PARP8: variants seen among roughly 807,000 people sequenced by gnomAD.
PARP8 encodes the protein poly(ADP-ribose) polymerase family member 8.
PARP8 carries 51 observed loss-of-function variants against 124.1 expected under a neutral mutation model. The observed-to-expected ratio is 0.41, with a 90% CI of 0.33 to 0.52. The LOEUF (loss-of-function observed/expected upper bound fraction) is 0.52. Among genes scored for constraint, PARP8 ranks in the 20% least tolerant of loss-of-function variants. The pLI, the probability that PARP8 is intolerant of heterozygous loss-of-function variation, is 0.21. For missense variants in PARP8, 860 were observed against 1,018.9 expected, an observed-to-expected ratio of 0.84 and a Z score of 2.12; for synonymous variants, 391 against 361.5, an observed-to-expected ratio of 1.08 and a Z score of -0.93.
At chr5:50,812,955 C>T (rs868794732) in intron 14 of PARP8, among the ~76,000 whole-genome samples, 1 of 151,968 alleles carries the variant, frequency 6.6e-6, no homozygotes. Flanking sequence ...TGGTCTATAT[C>T]TCTGTTTTGG....
At chr5:50,827,497 T>C (rs774930706) in intron 19 of PARP8, among the ~76,000 whole-genome samples, 1 of 152,188 alleles carries the variant, frequency 6.6e-6, no homozygotes, top group Non-Finnish European at 1.5e-5. Context: ...TATATGCAAA[T>C]AAAGCATAAT....
intron 9 of PARP8, among the ~76,000 whole-genome samples, chr5:50,781,107 C>CT (rs1205422699): frequency 6.6e-6 from 1 of 152,112 alleles, no homozygotes; most frequent in African/African-American, 2.4e-5. Context: ...TTTCATTTCT[C>CT]TAATTCTTTC....
chr5:50,694,297 T>A (rs929698457), intron 2 of PARP8, among the ~76,000 whole-genome samples: 2 of 152,206 alleles, frequency 1.3e-5, no homozygotes, highest in African/African-American at 4.8e-5. Context: ...ATATTAGAAT[T>A]CTTTTTAATT....
intron 14 of PARP8, among the ~76,000 whole-genome samples, chr5:50,813,539 CAG>C (rs981580275): frequency 3.3e-5 from 5 of 152,174 alleles, no homozygotes; most frequent in Admixed American, 6.5e-5. Flanking sequence ...CATCTGCAAA[CAG>C]GGACAATTTG....
chr5:50,828,317 C>G lies in PARP8; in HGVS notation c.2096C>G (p.Ser699Ter). The G allele has an allele frequency of 6.2e-7, 1 of 1,613,378 alleles. No individual in the cohort carries two copies. The stretch of plus-strand genomic sequence containing the variant: ...CTTTCCGTCTGTTTTTTTAGTGGCT[C>G]ACACATTGAAAACTGGCACTCCATC... ...LFGSTFAFHGSHIENWHSILR... is the reference protein window; with the variant it reads ...LFGSTFAFHG Residue 699 changes from serine (S) to a stop codon, truncating the protein, a stop_gained, in exon 21 of 26, where the codon TCA (serine) becomes TGA (stop). Transcript: ENST00000281631. LOFTEE classifies it high-confidence loss of function.
intron 4 of PARP8, among the ~76,000 whole-genome samples, chr5:50,760,075 G>GTGGTT (rs1760392923): frequency 6.6e-6 from 1 of 152,146 alleles, no homozygotes; most frequent in African/African-American, 2.4e-5. Context: ...TTGTAAAGTG[G>GTGGTT]TGGTTTAGTT....
At chr5:50,787,903 A>G (rs189665949) in intron 9 of PARP8, among the ~76,000 whole-genome samples, 1 of 150,148 alleles carries the variant, frequency 6.7e-6, no homozygotes, top group Non-Finnish European at 1.5e-5. Context: ...ATGTTAGTAT[A>G]TATGTATATA....
At chr5:50,803,925 T>C (rs1659993194) in intron 14 of PARP8, among the ~76,000 whole-genome samples, 1 of 152,146 alleles carries the variant, frequency 6.6e-6, no homozygotes, top group African/African-American at 2.4e-5. Flanking sequence ...AACTCTGGGA[T>C]TTAGATCTCG....
chr5:50,719,914 A>C (rs2149500730), intron 2 of PARP8, among the ~76,000 whole-genome samples: 1 of 152,230 alleles, frequency 6.6e-6, no homozygotes, highest in East Asian at 1.9e-4. Context: ...GATCAGTTTT[A>C]TGCTGTTAAT....
chr5:50,770,624 G>A (rs939833658), intron 7 of PARP8, among the ~76,000 whole-genome samples: 3 of 150,492 alleles, frequency 2.0e-5, no homozygotes, highest in African/African-American at 7.3e-5. Flanking sequence ...AAGGAAGGAA[G>A]GAGGGAGGGA....
chr5:50,815,823 T>G (rs112961100), intron 15 of PARP8, among the ~76,000 whole-genome samples: 2,376 of 152,304 alleles, frequency 0.016, 65 homozygotes, highest in African/African-American at 0.055. Flanking sequence ...GTGCATGCTT[T>G]ATGTAAAATT....
intron 10 of PARP8, among the ~76,000 whole-genome samples, chr5:50,792,356 T>C: frequency 6.6e-6 from 1 of 152,186 alleles, no homozygotes; most frequent in East Asian, 1.9e-4. Context: ...CAATTTCTTT[T>C]GCATCCAAGG....
chr5:50,819,431 T>TG (rs1745498549), intron 15 of PARP8, among the ~76,000 whole-genome samples: 10 of 118,674 alleles, frequency 8.4e-5, no homozygotes, highest in African/African-American at 3.3e-4. Context: ...TATCTTCTTT[T>TG]TTTTTTTTTT....
At chr5:50,677,448 A>G (rs1750763905) in intron 2 of PARP8, among the ~76,000 whole-genome samples, 1 of 152,176 alleles carries the variant, frequency 6.6e-6, no homozygotes, top group Non-Finnish European at 1.5e-5. Flanking sequence ...AAGTTTGAAT[A>G]ATTCACTGTG....
intron 14 of PARP8, among the ~76,000 whole-genome samples, chr5:50,813,860 C>T (rs1244228213): frequency 2.0e-5 from 3 of 151,916 alleles, no homozygotes; most frequent in Non-Finnish European, 4.4e-5. Context: ...CACAAATATA[C>T]GTATTTAGAT....
Position 50,763,193 on chromosome 5 carries a change from G to A in PARP8, c.469G>A (p.Asp157Asn). 1 of 1,613,794 alleles carries A rather than the reference G, an allele frequency of 6.2e-7. No individual in the cohort carries two copies. ...ELHKHPQLEA[D>N]LSAVREIYGP... ...GCACAAGCACCCACAACTGGAAGCT[G>A]ATTTGTCAGCAGTTAGAGAGATATA... Residue 157 changes from aspartate (D) to asparagine (N), a missense_variant, in exon 7 of 26, where the codon GAT (aspartate) becomes AAT (asparagine). Physicochemically the swap from Asp to Asn is conservative, Grantham distance 23. Coordinates refer to ENST00000281631, the MANE Select transcript of PARP8 (RefSeq NM_024615.4).
In PARP8 at chr5:50,760,278, C is replaced by T; in HGVS notation, c.275-14C>T. ...AAGTATCATAATATTTTTTAAATTA[C>T]AACTTTCTTTCAGAATTAAGAAAAA... On this transcript the variant is annotated splice_polypyrimidine_tract_variant and intron_variant, in intron 4 of 25. Coordinates refer to ENST00000281631, the MANE Select transcript of PARP8 (RefSeq NM_024615.4). 6.7e-7 allele frequency: 1 copy of T among 1,486,304 alleles called. No individual in the cohort carries two copies. The highest frequency in any genetic ancestry group is 1.4e-5 in the African/African-American group (1 of 69,720). The allele number at this position is 1,486,304 out of a possible 1,614,324, so 92.1% of individuals were successfully genotyped here.
At chr5:50,710,786 G>T (rs767233470) in intron 2 of PARP8, among the ~76,000 whole-genome samples, 1 of 152,040 alleles carries the variant, frequency 6.6e-6, no homozygotes, top group Non-Finnish European at 1.5e-5. Flanking sequence ...TTTTGAAAAA[G>T]AACACAATTT....
intron 3 of PARP8, among the ~76,000 whole-genome samples, chr5:50,759,405 T>C (rs929973478): frequency 7.2e-5 from 11 of 152,202 alleles, no homozygotes; most frequent in Non-Finnish European, 1.5e-4. Context: ...GGATAGTCTC[T>C]ATTCAAAATC....
Sources: allele counts gnomAD v4.1 joint callset (sites outside exome capture counted in the v4.1 genomes callset), GRCh38; gene constraint gnomAD v4.1.1; transcripts MANE v1.5; gene names NCBI Gene and HGNC (gene_info 2026-07-23, HGNC 2026-07-21).